The following KIF26B variants were observed in gnomAD, a reference collection of about 807,000 sequenced individuals.
KIF26B encodes kinesin-like protein KIF26B.
Under a neutral mutation model 151.2 loss-of-function variants are expected in KIF26B, and 63 were observed. That is an observed-to-expected ratio of 0.42 (90% CI 0.34 to 0.51). KIF26B has a LOEUF of 0.51. Among genes scored for constraint, KIF26B ranks in the 20% least tolerant of loss-of-function variants. The pLI is 0.07. For missense variants in KIF26B, 2,813 were observed against 2,913.6 expected, an observed-to-expected ratio of 0.97 and a Z score of 0.79; for synonymous variants, 1,357 against 1,262.1, an observed-to-expected ratio of 1.08 and a Z score of -1.59.
chr1:245,648,055 A>G (rs1226816054), intron 10 of KIF26B, among the ~76,000 whole-genome samples: 1 of 152,238 alleles, frequency 6.6e-6, no homozygotes, highest in Non-Finnish European at 1.5e-5. Context: ...TGAAGGGAAG[A>G]GTACTAGCAC....
intron 4 of KIF26B, among the ~76,000 whole-genome samples, chr1:245,439,151 C>T (rs1011894182): frequency 2.6e-5 from 4 of 151,826 alleles, no homozygotes; most frequent in African/African-American, 9.7e-5. Flanking sequence ...AGTTTGAGAC[C>T]AGCCTGGGTG....
chr1:245,638,874 G>A (rs1234705031), intron 9 of KIF26B, among the ~76,000 whole-genome samples: 1 of 151,752 alleles, frequency 6.6e-6, no homozygotes, highest in Admixed American at 6.6e-5. Flanking sequence ...ATATATTGCT[G>A]TCTTCTGTTT....
chr1:245,432,057 C>T (rs563392462), intron 4 of KIF26B, among the ~76,000 whole-genome samples: 2 of 152,080 alleles, frequency 1.3e-5, no homozygotes, highest in South Asian at 2.1e-4. Context: ...GCTCAAATGC[C>T]ACTTCCTTGG....
At chr1:245,669,579 C>T (rs1221372188) in intron 10 of KIF26B, among the ~76,000 whole-genome samples, 1 of 152,198 alleles carries the variant, frequency 6.6e-6, no homozygotes, top group East Asian at 1.9e-4. Context: ...TGAAAAGATA[C>T]TCAGCATCAT....
intron 5 of KIF26B, among the ~76,000 whole-genome samples, chr1:245,571,072 G>A (rs1418687380): frequency 6.6e-6 from 1 of 152,162 alleles, no homozygotes; most frequent in Non-Finnish European, 1.5e-5. Flanking sequence ...ATCCTGTCTT[G>A]TTTCTATCAT....
chr1:245,576,723 T>C (rs114348127), intron 5 of KIF26B, among the ~76,000 whole-genome samples: 2,431 of 152,272 alleles, frequency 0.016, 35 homozygotes, highest in Admixed American at 0.038. Context: ...AAAAACCCAT[T>C]TCCACACGAA....
At chr1:245,617,936 C>G (rs534339700) in intron 9 of KIF26B, among the ~76,000 whole-genome samples, 1 of 152,130 alleles carries the variant, frequency 6.6e-6, no homozygotes, top group African/African-American at 2.4e-5. Context: ...CTGCTCCCGT[C>G]TCCTGGCATT....
At chr1:245,583,799 T>G (rs372767713) in intron 5 of KIF26B, among the ~76,000 whole-genome samples, 4 of 152,226 alleles carry the variant, frequency 2.6e-5, no homozygotes, top group Admixed American at 1.3e-4. Flanking sequence ...CAACGAAGCA[T>G]GACTTTGCAT....
chr1:245,631,697 A>G (rs1424471225), intron 9 of KIF26B, among the ~76,000 whole-genome samples: 2 of 152,158 alleles, frequency 1.3e-5, no homozygotes, highest in African/African-American at 4.8e-5. Flanking sequence ...ATTCTACTGA[A>G]CTTTTAAAGT....
intron 5 of KIF26B, among the ~76,000 whole-genome samples, chr1:245,579,900 C>A (rs1424340099): frequency 6.6e-6 from 1 of 151,634 alleles, no homozygotes; most frequent in Admixed American, 6.6e-5. Flanking sequence ...CAGTCTATTT[C>A]TGAAGGTTTC....
At chr1:245,175,812 G>A (rs1668793010) in intron 2 of KIF26B, among the ~76,000 whole-genome samples, 1 of 151,768 alleles carries the variant, frequency 6.6e-6, no homozygotes, top group South Asian at 2.1e-4. Flanking sequence ...AAGAGTCACG[G>A]GCTTTATTGA....
intron 4 of KIF26B, among the ~76,000 whole-genome samples, chr1:245,437,502 GC>G (rs1257645724): frequency 6.6e-6 from 1 of 152,164 alleles, no homozygotes; most frequent in African/African-American, 2.4e-5. Context: ...TGAAAGATCT[GC>G]AGTGGATTTA....
chr1:245,188,792 C>G (rs1004323750), intron 2 of KIF26B, among the ~76,000 whole-genome samples: 4 of 152,122 alleles, frequency 2.6e-5, no homozygotes, highest in African/African-American at 9.7e-5. Flanking sequence ...TTCACAGTAG[C>G]CAAAAGGTGG....
intron 2 of KIF26B, among the ~76,000 whole-genome samples, chr1:245,238,981 C>G (rs139835469): frequency 4.3e-4 from 65 of 152,356 alleles, no homozygotes; most frequent in Non-Finnish European, 8.4e-4. Context: ...AGCAAACTCT[C>G]TGTAGACCCG....
rs1668412287 is a variant in KIF26B, at chr1:245,155,453, G to A, written c.29G>A (p.Arg10Lys). The A allele has an allele frequency of 6.2e-7, 1 of 1,612,312 alleles. No individual in the cohort carries two copies. Residue 10 changes from arginine to lysine, a missense_variant, in exon 1 of 15, where the codon AGG becomes AAG. Physicochemically the swap from Arg to Lys is conservative, Grantham distance 26 (BLOSUM62 2). Transcript: ENST00000407071. MNSVAGNKE[R>K]LAVSTRGKKY... The stretch of plus-strand genomic sequence containing the variant: ...AATTCGGTAGCTGGGAATAAAGAGA[G>A]GCTTGCGGTCTCCACCAGGGGCAAG...
At chr1:245,303,250 G>C (rs1193343356) in intron 2 of KIF26B, among the ~76,000 whole-genome samples, 1 of 144,256 alleles carries the variant, frequency 6.9e-6, no homozygotes, top group Admixed American at 7.0e-5. Flanking sequence ...CCAGGCCGGA[G>C]TGCAGTGGCG....
chr1:245,443,291 G>A (rs112878526), intron 4 of KIF26B, among the ~76,000 whole-genome samples: 21,500 of 143,254 alleles, frequency 0.15, 1,649 homozygotes, highest in African/African-American at 0.24. Flanking sequence ...TTCACCCTGC[G>A]GTCATCTCCC....
In KIF26B at chr1:245,156,362, G is replaced by T; in HGVS notation, c.144G>T (p.Ser48=). The T allele has an allele frequency of 1.3e-6, 2 of 1,544,570 alleles. No individual in the cohort carries two copies. Among genetic ancestry groups the T allele is most frequent in the Non-Finnish European group, 1.7e-6 (2 of 1,144,832 alleles). ...GGTACCGGAAAGCATACGAGGAGTC[G>T]CGCGCCGGCAGCCGGCCCACTCCTG... The part of the protein sequence containing the change: ...ESWYRKAYEE[S]RAGSRPTPEG... The change falls in exon 2 of 15, where the codon TCG becomes TCT. Residue 48 remains serine (S), a synonymous_variant. Coordinates refer to ENST00000407071, the MANE Select transcript of KIF26B (RefSeq NM_018012.4).
intron 12 of KIF26B, among the ~76,000 whole-genome samples, chr1:245,695,428 C>T (rs923239769): frequency 5.3e-5 from 8 of 152,216 alleles, no homozygotes; most frequent in African/African-American, 1.4e-4. Flanking sequence ...GAGACAGGCG[C>T]GGGGAGAGGG....
Sources: allele counts gnomAD v4.1 joint callset (sites outside exome capture counted in the v4.1 genomes callset), GRCh38; gene constraint gnomAD v4.1.1; transcripts MANE v1.5; gene names NCBI Gene and HGNC (gene_info 2026-07-23, HGNC 2026-07-21).